The following NARS2 variants were observed in gnomAD, a reference collection of about 807,000 sequenced individuals.
The protein encoded by NARS2 is asparaginyl-tRNA synthetase 2, mitochondrial, also known as asparaginyl-tRNA synthetase.
Under a neutral mutation model 62.9 loss-of-function variants are expected in NARS2, and 60 were observed. The ratio of observed to expected loss-of-function variants is 0.95; its 90% CI spans 0.77 to 1.18. The LOEUF (loss-of-function observed/expected upper bound fraction) is 1.18. Ranked by LOEUF, NARS2 falls within the 50% of genes most tolerant of loss-of-function variation. The pLI, the probability that NARS2 is intolerant of heterozygous loss-of-function variation, is 0.00. For synonymous variants in NARS2, 196 were observed against 200.0 expected, an observed-to-expected ratio of 0.98 and a Z score of 0.17; for missense variants, 619 against 576.4, an observed-to-expected ratio of 1.07 and a Z score of -0.76.
At chr11:78,559,421 T>C in intron 5 of NARS2, 118 bp downstream of exon 5, 1 of 688,732 alleles carries the variant, frequency 1.5e-6, no homozygotes, top group South Asian at 1.8e-5. Flanking sequence ...GGATTTTTAT[T>C]GACAATTTCA....
chr11:78,533,338 A>T (rs985222431), intron 5 of NARS2: 3 of 152,114 alleles, frequency 2.0e-5, no homozygotes, highest in Non-Finnish European at 2.9e-5. Flanking sequence ...TTATTCCATT[A>T]TTTGTGTATA....
At chr11:78,542,071 G>A (rs1855642375) in intron 5 of NARS2, among the ~76,000 whole-genome samples, 1 of 152,060 alleles carries the variant, frequency 6.6e-6, no homozygotes, top group South Asian at 2.1e-4. Context: ...ACACAGAACT[G>A]CTAGTATAAA....
intron 11 of NARS2, 35 bp downstream of exon 11, chr11:78,465,841 G>C: frequency 1.2e-6 from 2 of 1,611,782 alleles, no homozygotes; most frequent in Non-Finnish European, 8.5e-7. Flanking sequence ...CAACCTAAGA[G>C]GACTAACCCC....
At chr11:78,515,301 G>C (rs1860864040) in intron 6 of NARS2, among the ~76,000 whole-genome samples, 1 of 152,126 alleles carries the variant, frequency 6.6e-6, no homozygotes, top group African/African-American at 2.4e-5. Flanking sequence ...TTGGTTCTCA[G>C]CATCAGCATC....
At chr11:78,530,945 A>C (rs1298249535) in intron 5 of NARS2, among the ~76,000 whole-genome samples, 2 of 152,164 alleles carry the variant, frequency 1.3e-5, no homozygotes, top group Non-Finnish European at 2.9e-5. Context: ...CTTTTCTTTT[A>C]TATTACAATT....
chr11:78,510,428 G>T (rs949355734), intron 6 of NARS2, among the ~76,000 whole-genome samples: 3 of 152,058 alleles, frequency 2.0e-5, no homozygotes, highest in African/African-American at 7.2e-5. Flanking sequence ...AGACACAACA[G>T]TTATAAATAC....
chr11:78,454,809 A>G (rs1003984859), intron 11 of NARS2, among the ~76,000 whole-genome samples: 29 of 152,038 alleles, frequency 1.9e-4, no homozygotes, highest in African/African-American at 7.0e-4. Flanking sequence ...TAGTAGAGAC[A>G]GGTTTCACCA....
intron 6 of NARS2, among the ~76,000 whole-genome samples, chr11:78,509,296 A>T: frequency 6.6e-6 from 1 of 152,256 alleles, no homozygotes; most frequent in East Asian, 1.9e-4. Context: ...AACCTAAAAG[A>T]GTTTGTTACT....
At position 78,538,421 on chromosome 11, in the gene NARS2, G is replaced by A. The variant is rs114470033; in HGVS notation, c.595-9485C>T. 6.2e-3 allele frequency among the ~76,000 whole-genome samples: 948 copies of A among 152,052 alleles called. 7 individuals carry two copies. Among genetic ancestry groups the A allele is most frequent in the African/African-American group, 0.021 (882 of 41,446 alleles). On this transcript the variant is annotated intron_variant, in intron 5 of 13. Transcript: ENST00000281038. ...TCTCAAAGAGCTTACATTCTAATGG[G>A]GAAAAAAGAAAATAACATGTAAACT...
intron 11 of NARS2, among the ~76,000 whole-genome samples, chr11:78,456,393 T>G (rs1323336198): frequency 6.6e-6 from 1 of 152,238 alleles, no homozygotes; most frequent in Non-Finnish European, 1.5e-5. Context: ...TACGACAGAC[T>G]GAAATGGATA....
At chr11:78,557,563 T>C (rs1404186930) in intron 5 of NARS2, among the ~76,000 whole-genome samples, 1 of 152,220 alleles carries the variant, frequency 6.6e-6, no homozygotes, top group Non-Finnish European at 1.5e-5. Flanking sequence ...AGCTAGATCC[T>C]GACTGTAGGA....
At chr11:78,571,518 A>G (rs1856922746) in intron 1 of NARS2, 74 bp from the exon 2 acceptor site, 1 of 988,378 alleles carries the variant, frequency 1.0e-6, no homozygotes, top group African/African-American at 1.6e-5. Context: ...ACACAGACTA[A>G]ATGAAAGTAA....
intron 11 of NARS2, among the ~76,000 whole-genome samples, chr11:78,454,838 C>T (rs747743814): frequency 6.6e-6 from 1 of 152,028 alleles, no homozygotes; most frequent in South Asian, 2.1e-4. Flanking sequence ...AGGCTGGTCT[C>T]GAACTCCTGA....
At chr11:78,461,329 G>A (rs535726678) in intron 11 of NARS2, among the ~76,000 whole-genome samples, 9 of 152,184 alleles carry the variant, frequency 5.9e-5, no homozygotes, top group Non-Finnish European at 1.3e-4. Flanking sequence ...AATCTGTACA[G>A]GAGACTAAGA....
intron 6 of NARS2, among the ~76,000 whole-genome samples, chr11:78,505,192 G>A (rs1004124307): frequency 1.1e-4 from 16 of 151,288 alleles, no homozygotes; most frequent in African/African-American, 3.9e-4. Flanking sequence ...GACTGAGGAG[G>A]GAGGATCACT....
chr11:78,562,627 T>C (rs1202685557), intron 4 of NARS2, among the ~76,000 whole-genome samples: 2 of 152,154 alleles, frequency 1.3e-5, no homozygotes, highest in African/African-American at 4.8e-5. Context: ...CACTGGAATT[T>C]AGAAAAAATT....
At chr11:78,521,789 CAAAAAAAAAA>C (rs58282524) in intron 6 of NARS2, among the ~76,000 whole-genome samples, 1 of 96,418 alleles carries the variant, frequency 1.0e-5, no homozygotes, top group Non-Finnish European at 1.9e-5. Context: ...GACTCCGTCT[CAAAAAAAAAA>C]AAAAAAAAAA....
At chr11:78,514,466 C>G (rs1263550616) in intron 6 of NARS2, among the ~76,000 whole-genome samples, 1 of 152,176 alleles carries the variant, frequency 6.6e-6, no homozygotes, top group African/African-American at 2.4e-5. Flanking sequence ...ACACATCTCA[C>G]TACAGTAACC....
At position 78,469,133 on chromosome 11, in the gene NARS2, A is replaced by G. The variant is rs11237514; in HGVS notation, c.1026+114T>C. On this transcript the variant is annotated intron_variant, in intron 10 of 13. Transcript: ENST00000281038. ...GTCTGTGTACAAATGAGCAAATGCC[A>G]TATTTTGCTAATAAGAGAATTAAGA... 0.21 allele frequency: 150,991 copies of G among 703,644 alleles called. 18,321 individuals are homozygous for G. The highest frequency in any genetic ancestry group is 0.4 in the East Asian group (14,790 of 36,874). The allele number at this position is 703,644 out of a possible 1,614,324, so 43.6% of individuals were successfully genotyped here. A position where few individuals can be genotyped will look rare whatever the true frequency, so the allele number is the denominator to read the frequency against.
Sources: allele counts gnomAD v4.1 joint callset (sites outside exome capture counted in the v4.1 genomes callset), GRCh38; gene constraint gnomAD v4.1.1; transcripts MANE v1.5; gene names NCBI Gene and HGNC (gene_info 2026-07-23, HGNC 2026-07-21).